RNF141: variants seen among roughly 807,000 people sequenced by gnomAD.
The protein encoded by RNF141 is ring finger protein 141.
RNF141 carries 18 observed loss-of-function variants against 27.4 expected under a neutral mutation model. The observed-to-expected ratio is 0.66, with a 90% confidence interval of 0.45 to 0.97. The LOEUF (loss-of-function observed/expected upper bound fraction) is 0.97. Ranked by LOEUF, RNF141 falls within the 50% of genes least tolerant of loss-of-function variation. RNF141 has a pLI of 0.00. For missense variants in RNF141, 230 were observed against 279.4 expected, an observed-to-expected ratio of 0.82 and a Z score of 1.26; for synonymous variants, 97 against 96.6, an observed-to-expected ratio of 1.00 and a Z score of -0.02.
chr11:10,518,843 A>G, intron 5 of RNF141, 191 bp downstream of exon 5: 1 of 480,958 alleles, frequency 2.1e-6, no homozygotes, highest in Non-Finnish European at 3.7e-6. Flanking sequence ...GTACACCCCC[A>G]TATTTAATAA....
chr11:10,540,837 G>A lies in RNF141; in HGVS notation c.-48+285C>T, dbSNP rs529489425. On this transcript the variant is annotated intron_variant, in intron 1 of 5. Transcript: ENST00000265981. The stretch of plus-strand genomic sequence containing the variant: ...CAAACAACCGTTTTGGGATAGAGAA[G>A]GAAAAACTCTCTCCGGGTCCCTCAG... The A allele has an allele frequency of 9.2e-5, 14 of 152,360 alleles. No individual in the cohort carries two copies. In the East Asian group the frequency reaches 2.3e-3, roughly 25 times the overall value. 9.4% of individuals were successfully genotyped at this position (152,360 alleles called of 1,614,324 possible).
At chr11:10,536,066 A>G (rs1392120230) in intron 1 of RNF141, among the ~76,000 whole-genome samples, 1 of 152,218 alleles carries the variant, frequency 6.6e-6, no homozygotes, top group African/African-American at 2.4e-5. Context: ...TAACCACACA[A>G]ATAAATGTAT....
At position 10,514,799 on chromosome 11, in the gene RNF141, TAA is replaced by T. The variant is rs1238362022; in HGVS notation, c.*115_*116del. The T allele has an allele frequency of 4.0e-5, 39 of 975,082 alleles. No homozygotes were observed. The highest frequency in any genetic ancestry group is 2.9e-4 in the South Asian group (13 of 45,316). 60.4% of individuals were successfully genotyped at this position (975,082 alleles called of 1,614,324 possible). A position where few individuals can be genotyped will look rare whatever the true frequency, so the allele number is the denominator to read the frequency against. On this transcript the variant is annotated 3_prime_UTR_variant, in exon 6 of 6. Transcript: ENST00000265981. ...GGACAAATGATCAGAATAGCAAAAA[TAA>T]AAGAGTGGGGAAAATGGATTTTCCT... is the stretch of plus-strand genomic sequence containing the variant.
chr11:10,539,700 T>TATATATATATATATATATATATATA (rs1850073338), intron 1 of RNF141, among the ~76,000 whole-genome samples: 1 of 4,012 alleles, frequency 2.5e-4, no homozygotes, highest in African/African-American at 3.8e-4. Flanking sequence ...ACATATATAT[T>TATATATATATATATATATATATATA]AGAGAGAGAA....
At position 10,514,854 on chromosome 11, in the gene RNF141, A is replaced by G. The variant is rs187370695; in HGVS notation, c.*62T>C. 1.2e-4 allele frequency: 181 copies of G among 1,516,950 alleles called. No homozygotes were observed. The African/African-American group carries it at 2.3e-3, about 19-fold the overall frequency. 94.0% of individuals were successfully genotyped at this position (1,516,950 alleles called of 1,614,324 possible). On this transcript the variant is annotated 3_prime_UTR_variant, in exon 6 of 6. Coordinates refer to ENST00000265981, the MANE Select transcript of RNF141 (RefSeq NM_016422.4). Reference sequence around the variant, plus strand: ...GTCTGTGCCAGTGCCACAACCCTACATTCTTCCCCCATGACCAAATATTTG... The same window carrying G: ...GTCTGTGCCAGTGCCACAACCCTACGTTCTTCCCCCATGACCAAATATTTG...
chr11:10,540,070 G>T (rs932289821), intron 1 of RNF141, among the ~76,000 whole-genome samples: 1 of 152,112 alleles, frequency 6.6e-6, no homozygotes. Flanking sequence ...AATTCAGAAA[G>T]CATCACTTCT....
intron 4 of RNF141, among the ~76,000 whole-genome samples, chr11:10,522,594 G>T (rs1591497474): frequency 6.6e-6 from 1 of 152,176 alleles, no homozygotes; most frequent in African/African-American, 2.4e-5. Context: ...AAAGGAACTG[G>T]GGGTGTTTAT....
At chr11:10,533,621 T>G (rs1850008657) in intron 2 of RNF141, among the ~76,000 whole-genome samples, 1 of 152,042 alleles carries the variant, frequency 6.6e-6, no homozygotes, top group African/African-American at 2.4e-5. Flanking sequence ...CTTCTCAGTG[T>G]TACCTTTGAC....
chr11:10,523,721 T>C (rs1274433173), intron 4 of RNF141, among the ~76,000 whole-genome samples: 1 of 146,290 alleles, frequency 6.8e-6, no homozygotes, highest in Non-Finnish European at 1.5e-5. Context: ...ACCTTTACCT[T>C]CTTCATTAAG....
In RNF141 at chr11:10,513,263, T is replaced by A. The variant is rs1849816233; in HGVS notation, c.*1653A>T. ...AAATCAAGCTACCCCTGGCCAGATG[T>A]TTTTCCTTGAAATTGATTTGAATTT... On this transcript the variant is annotated 3_prime_UTR_variant, in exon 6 of 6. Transcript: ENST00000265981. 1 of 152,210 alleles carries A rather than the reference T, an allele frequency of 6.6e-6. No homozygotes were observed. Among genetic ancestry groups the A allele is most frequent in the South Asian group, 2.1e-4 (1 of 4,834 alleles). 9.4% of individuals were successfully genotyped at this position (152,210 alleles called of 1,614,324 possible).
rs1849924674 is a variant in RNF141, at chr11:10,525,451, T to C, written c.253-78A>G. On this transcript the variant is annotated intron_variant, in intron 3 of 5. Transcript: ENST00000265981. Reference sequence around the variant, plus strand: ...TTTTCCCAAAAAGGGGGAACAAATATTTAGTCAAACATCCTAGGAAATAGG... The same window carrying C: ...TTTTCCCAAAAAGGGGGAACAAATACTTAGTCAAACATCCTAGGAAATAGG... 9.9e-6 allele frequency: 11 copies of C among 1,108,328 alleles called. No homozygotes were observed. In the South Asian group the frequency reaches 1.9e-4, roughly 19 times the overall value. The allele number at this position is 1,108,328 out of a possible 1,614,324, so 68.7% of individuals were successfully genotyped here.
intron 3 of RNF141, among the ~76,000 whole-genome samples, chr11:10,525,976 C>T (rs1203941010): frequency 6.6e-6 from 1 of 152,102 alleles, no homozygotes; most frequent in African/African-American, 2.4e-5. Context: ...TTGTACCTCT[C>T]CCCCATCCAG....
chr11:10,525,954 T>C (rs944034909), intron 3 of RNF141, among the ~76,000 whole-genome samples: 8 of 152,152 alleles, frequency 5.3e-5, no homozygotes, highest in African/African-American at 1.2e-4. Context: ...CCAAAGGTTG[T>C]ACCTTTACAG....
intron 3 of RNF141, among the ~76,000 whole-genome samples, chr11:10,527,781 G>C (rs1849950656): frequency 6.6e-6 from 1 of 152,168 alleles, no homozygotes; most frequent in Admixed American, 6.5e-5. Context: ...AAGAGAAGCA[G>C]GGAGATCAGT....
At chr11:10,519,935 C>A (rs1157983042) in intron 4 of RNF141, among the ~76,000 whole-genome samples, 1 of 152,070 alleles carries the variant, frequency 6.6e-6, no homozygotes, top group East Asian at 1.9e-4. Context: ...CTTTCTTGGG[C>A]CACATATATA....
intron 4 of RNF141, among the ~76,000 whole-genome samples, chr11:10,524,645 A>G (rs1849916473): frequency 6.6e-6 from 1 of 152,350 alleles, no homozygotes; most frequent in East Asian, 1.9e-4. Context: ...GAAAGTTTAG[A>G]TAGAACAATA....
intron 2 of RNF141, among the ~76,000 whole-genome samples, chr11:10,533,460 AAT>A (rs1252291742): frequency 3.9e-5 from 6 of 152,234 alleles, no homozygotes; most frequent in African/African-American, 1.2e-4. Flanking sequence ...GAATAAATGA[AAT>A]ATATTATTTC....
intron 1 of RNF141, among the ~76,000 whole-genome samples, chr11:10,535,647 A>T (rs1850027918): frequency 6.6e-6 from 1 of 152,192 alleles, no homozygotes; most frequent in African/African-American, 2.4e-5. Flanking sequence ...ATGGTGTTGG[A>T]TACTTCTTTT....
At chr11:10,515,309 T>C (rs926253089) in intron 5 of RNF141, 1 of 436,294 alleles carries the variant, frequency 2.3e-6, no homozygotes, top group Non-Finnish European at 4.1e-6. Context: ...TGTACACACA[T>C]GCACGCACGT....
Sources: allele counts gnomAD v4.1 joint callset (sites outside exome capture counted in the v4.1 genomes callset), GRCh38; gene constraint gnomAD v4.1.1; transcripts MANE v1.5; gene names NCBI Gene and HGNC (gene_info 2026-07-23, HGNC 2026-07-21).